The following JAK1 variants were observed in gnomAD, a reference collection of about 807,000 sequenced individuals.
The protein encoded by JAK1 is Janus kinase 1.
JAK1 carries 16 observed loss-of-function variants against 136.6 expected under a neutral mutation model. The ratio of observed to expected loss-of-function variants is 0.12; its 90% CI spans 0.08 to 0.18. The LOEUF (loss-of-function observed/expected upper bound fraction) is 0.18, where lower values mean the gene tolerates loss of function less well. Among genes scored for constraint, JAK1 ranks in the 10% least tolerant of loss-of-function variants. The pLI is 1.00. For missense variants in JAK1, 859 were observed against 1,450.1 expected, an observed-to-expected ratio of 0.59 and a Z score of 6.62; for synonymous variants, 492 against 519.5, an observed-to-expected ratio of 0.95 and a Z score of 0.72.
At chr1:64,997,351 T>C (rs149301501) in intron 2 of JAK1, among the ~76,000 whole-genome samples, 1,632 of 152,342 alleles carry the variant, frequency 0.011, 13 homozygotes, top group Middle Eastern at 0.041. Context: ...TGTTTAATAT[T>C]AACTCACATG....
At position 64,909,001 on chromosome 1, in the gene JAK1, T is replaced by C. The variant is rs757559765; in HGVS notation, c.-77-22660A>G. Among the ~76,000 whole-genome samples the C allele has an allele frequency of 7.9e-5, 12 of 152,318 alleles. 2 individuals are homozygous for C. In the Middle Eastern group the frequency reaches 0.01, roughly 130 times the overall value. On this transcript the variant is annotated intron_variant, in intron 1 of 24. Transcript: ENST00000342505. The stretch of plus-strand genomic sequence containing the variant: ...CTGAGTGAAAGAATGAATGAATGAA[T>C]GAACGAACGAACGAGCTAATTACAA...
chr1:64,851,809 G>A (rs1390740876), intron 11 of JAK1, among the ~76,000 whole-genome samples: 1 of 152,220 alleles, frequency 6.6e-6, no homozygotes, highest in Non-Finnish European at 1.5e-5. Context: ...TTTATTAACT[G>A]AAGCAGGAAT....
At chr1:65,018,837 C>G (rs988378607) in intron 2 of JAK1, among the ~76,000 whole-genome samples, 1 of 151,970 alleles carries the variant, frequency 6.6e-6, no homozygotes, top group Non-Finnish European at 1.5e-5. Context: ...GGTGAAACCC[C>G]GTCTCTACTA....
intron 1 of JAK1, among the ~76,000 whole-genome samples, chr1:65,063,593 T>C (rs1194972249): frequency 6.6e-6 from 1 of 152,010 alleles, no homozygotes; most frequent in Non-Finnish European, 1.5e-5. Flanking sequence ...CACCCGAGCT[T>C]AGGAGTTCAA....
chr1:64,863,539 TA>T (rs35358275), intron 8 of JAK1, among the ~76,000 whole-genome samples: 60,025 of 150,238 alleles, frequency 0.4, 13,195 homozygotes, highest in African/African-American at 0.59. Context: ...GTTTTTTGTT[TA>T]AAAAAAAAGG....
chr1:64,976,927 GA>G (rs1646501658), intron 2 of JAK1, among the ~76,000 whole-genome samples: 1 of 152,144 alleles, frequency 6.6e-6, no homozygotes, highest in Non-Finnish European at 1.5e-5. Context: ...TGTCTTGAAA[GA>G]GTGCCCTTAA....
At chr1:65,015,835 T>C (rs1187663874) in intron 2 of JAK1, among the ~76,000 whole-genome samples, 1 of 152,180 alleles carries the variant, frequency 6.6e-6, no homozygotes, top group African/African-American at 2.4e-5. Context: ...GTAATGCCAC[T>C]CCTAAGTATT....
chr1:65,037,190 A>T (rs1338341018), intron 2 of JAK1, among the ~76,000 whole-genome samples: 2 of 152,234 alleles, frequency 1.3e-5, no homozygotes, highest in East Asian at 3.8e-4. Context: ...ACCTCATCTC[A>T]AAAAGAAAAA....
intron 1 of JAK1, among the ~76,000 whole-genome samples, chr1:64,955,481 T>C (rs781148367): frequency 1.5e-4 from 23 of 152,212 alleles, no homozygotes; most frequent in South Asian, 2.1e-4. Context: ...ATGGGAAACA[T>C]TGAAAGCAAA....
intron 8 of JAK1, among the ~76,000 whole-genome samples, chr1:64,863,249 G>A (rs1426843781): frequency 1.2e-4 from 17 of 145,450 alleles, no homozygotes; most frequent in Admixed American, 2.8e-4. Context: ...CATATGACAC[G>A]GGGCCTAAAA....
intron 2 of JAK1, among the ~76,000 whole-genome samples, chr1:64,999,575 A>G (rs551425040): frequency 6.6e-5 from 10 of 152,124 alleles, no homozygotes; most frequent in South Asian, 6.2e-4. Flanking sequence ...CCATCTCTAC[A>G]ATAGAAAAAA....
chr1:64,935,095 C>T (rs1645764947), intron 1 of JAK1, among the ~76,000 whole-genome samples: 1 of 152,154 alleles, frequency 6.6e-6, no homozygotes, highest in Non-Finnish European at 1.5e-5. Flanking sequence ...CCATTCTAGC[C>T]ATGGGAACAA....
chr1:64,940,810 T>C (rs143362351), intron 1 of JAK1, among the ~76,000 whole-genome samples: 1 of 152,316 alleles, frequency 6.6e-6, no homozygotes, highest in East Asian at 1.9e-4. Context: ...TAAACTGTAT[T>C]CAGTCGCTTC....
intron 5 of JAK1, among the ~76,000 whole-genome samples, chr1:64,871,267 T>G (rs1242595126): frequency 6.6e-6 from 1 of 152,188 alleles, no homozygotes; most frequent in Non-Finnish European, 1.5e-5. Flanking sequence ...GGGACATAAC[T>G]CTGACACAGA....
chr1:64,859,453 C>T (rs1656154541), intron 9 of JAK1, among the ~76,000 whole-genome samples: 1 of 152,234 alleles, frequency 6.6e-6, no homozygotes, highest in African/African-American at 2.4e-5. Flanking sequence ...ACCAGAGGTA[C>T]TTCAGCACAG....
chr1:64,954,621 A>C (rs1646149459), intron 1 of JAK1, among the ~76,000 whole-genome samples: 1 of 152,238 alleles, frequency 6.6e-6, no homozygotes, highest in Non-Finnish European at 1.5e-5. Flanking sequence ...TGGGGAAACC[A>C]AAGGGCAACT....
chr1:64,955,352 GA>G (rs1309012218), intron 1 of JAK1, among the ~76,000 whole-genome samples: 12 of 152,212 alleles, frequency 7.9e-5, no homozygotes, highest in African/African-American at 2.9e-4. Context: ...TTGGGGTAGG[GA>G]GGGGCAGAGG....
intron 5 of JAK1, among the ~76,000 whole-genome samples, chr1:64,870,055 C>G (rs981831115): frequency 4.6e-5 from 7 of 152,148 alleles, no homozygotes; most frequent in African/African-American, 9.7e-5. Context: ...ATTCTAAGAA[C>G]TAACGGGAAC....
At chr1:64,839,542 C>T in intron 20 of JAK1, 61 bp downstream of exon 20, 1 of 1,482,678 alleles carries the variant, frequency 6.7e-7, no homozygotes, top group Non-Finnish European at 9.2e-7. Context: ...TTTGCACTGG[C>T]CTTTATGACC....
Sources: gnomAD v4.1 joint callset for allele counts (sites outside exome capture counted in the v4.1 genomes callset) on GRCh38, gnomAD v4.1.1 for gene constraint, MANE v1.5 for transcripts, NCBI Gene and HGNC (gene_info 2026-07-23, HGNC 2026-07-21) for gene names.